The following CEP112 variants were observed in gnomAD, a reference collection of about 807,000 sequenced individuals.
CEP112 encodes centrosomal protein 112.
A neutral mutation model predicts 153.0 loss-of-function variants in CEP112; 127 were observed. The observed-to-expected ratio is 0.83, with a 90% CI of 0.72 to 0.96. CEP112 has a LOEUF of 0.96. Ranked by LOEUF, CEP112 falls within the 40% of genes least tolerant of loss-of-function variation. The probability of loss-of-function intolerance (pLI) is 0.00; values close to 1 mark genes in which losing one functional copy is unlikely to be tolerated. For missense variants in CEP112, 1,089 were observed against 1,101.2 expected (o/e 0.99, Z 0.16); for synonymous variants, 358 against 374.4 (o/e 0.96, Z 0.51).
At chr17:65,905,313 A>G (rs1377961480) in intron 19 of CEP112, among the ~76,000 whole-genome samples, 1 of 152,246 alleles carries the variant, frequency 6.6e-6, no homozygotes, top group Non-Finnish European at 1.5e-5. Flanking sequence ...CACTTCTCAA[A>G]AAAAGCCATT....
intron 24 of CEP112, among the ~76,000 whole-genome samples, chr17:65,676,093 T>C (rs1293539899): frequency 6.6e-6 from 1 of 152,176 alleles, no homozygotes; most frequent in Non-Finnish European, 1.5e-5. Flanking sequence ...CTGCACACTC[T>C]GGGAAGCCAG....
chr17:65,816,866 T>C (rs892542322), intron 21 of CEP112, among the ~76,000 whole-genome samples: 2 of 151,996 alleles, frequency 1.3e-5, no homozygotes, highest in Admixed American at 1.3e-4. Flanking sequence ...ATGGCATTAT[T>C]TCTTTCTTAA....
At chr17:65,691,543 C>T (rs924149297) in intron 23 of CEP112, among the ~76,000 whole-genome samples, 1 of 152,154 alleles carries the variant, frequency 6.6e-6, no homozygotes, top group Non-Finnish European at 1.5e-5. Flanking sequence ...TTTAGGGTGT[C>T]TTTGATATTA....
rs558410412 is a variant in CEP112 at position 65,760,161 on chromosome 17, G to A, written c.2395-9437C>T. Among the ~76,000 whole-genome samples the A allele has an allele frequency of 1.2e-4, 19 of 152,170 alleles. No individual in the cohort carries two copies. In the South Asian group the frequency reaches 3.1e-3, roughly 25 times the overall value. ...CACTTATCAGTTCCAAGAGTTTGTC[G>A]ATTCTTTTGGATTCTCTATATAGAC... On this transcript the variant is annotated intron_variant, in intron 21 of 26. Transcript: ENST00000535342.
At chr17:66,028,083 T>C (rs1355502408) in intron 15 of CEP112, among the ~76,000 whole-genome samples, 1 of 151,660 alleles carries the variant, frequency 6.6e-6, no homozygotes, top group Non-Finnish European at 1.5e-5. Flanking sequence ...TTAAAACTAA[T>C]CTCAAAAGAG....
At chr17:65,709,681 T>C (rs1164262252) in intron 23 of CEP112, among the ~76,000 whole-genome samples, 1 of 152,228 alleles carries the variant, frequency 6.6e-6, no homozygotes, top group Non-Finnish European at 1.5e-5. Context: ...AAAACCATCA[T>C]CTGGTTCCAG....
chr17:65,913,927 T>C, intron 19 of CEP112: 2 of 953,794 alleles, frequency 2.1e-6, no homozygotes, highest in African/African-American at 1.8e-5. Flanking sequence ...ACAATTATCC[T>C]GAGTTTTTAA....
At chr17:65,695,203 C>T (rs565827013) in intron 23 of CEP112, among the ~76,000 whole-genome samples, 3 of 152,298 alleles carry the variant, frequency 2.0e-5, no homozygotes, top group East Asian at 1.9e-4. Context: ...GAGCGCACAC[C>T]GCACTCTTTA....
chr17:65,942,861 T>C (rs1001877488), intron 18 of CEP112, among the ~76,000 whole-genome samples: 2 of 152,242 alleles, frequency 1.3e-5, no homozygotes, highest in Non-Finnish European at 2.9e-5. Context: ...TAAAGTACTA[T>C]TGTGTTATTA....
At position 65,897,738 on chromosome 17, in the gene CEP112, C is replaced by T. The variant is rs151057390; in HGVS notation, c.2163+4414G>A. ...AATAAATTAAAATGAAATTTTAGCA[C>T]ATTAAAATAAAATCTAGTAATTACA... is the stretch of plus-strand genomic sequence containing the variant. On this transcript the variant is annotated intron_variant, in intron 20 of 26. Transcript: ENST00000535342. 8.3e-3 allele frequency among the ~76,000 whole-genome samples: 1,269 copies of T among 151,986 alleles called. 15 individuals carry two copies. Among genetic ancestry groups the T allele is most frequent in the Non-Finnish European group, 0.014 (969 of 67,944 alleles).
chr17:66,105,013 G>A (rs1024630139), intron 6 of CEP112, among the ~76,000 whole-genome samples: 1 of 152,160 alleles, frequency 6.6e-6, no homozygotes, highest in Non-Finnish European at 1.5e-5. Flanking sequence ...CACTGTAATT[G>A]TGGTGTATAA....
At chr17:65,869,579 CTTTTTTTT>C (rs55675305) in intron 20 of CEP112, among the ~76,000 whole-genome samples, 1 of 120,248 alleles carries the variant, frequency 8.3e-6, no homozygotes, top group Non-Finnish European at 1.7e-5. Context: ...GATAAACTTT[CTTTTTTTT>C]TTTTTTTTTT....
At position 66,116,913 on chromosome 17, in the gene CEP112, C is replaced by A. The variant is rs192932997; in HGVS notation, c.642+12833G>T. Among the ~76,000 whole-genome samples, 327 of 136,076 alleles carry A rather than the reference C, an allele frequency of 2.4e-3. 3 individuals are homozygous for A. Among genetic ancestry groups the A allele is most frequent in the African/African-American group, 8.7e-3 (318 of 36,644 alleles). The allele number at this position is 136,076 out of a possible 152,430, so 89.3% of individuals were successfully genotyped here. On this transcript the variant is annotated intron_variant, in intron 6 of 26. Transcript: ENST00000535342. ...GACGGAGTCTCGCTCTGTTGCCAGG[C>A]TGGGAAACAGTGGTGCGATCTCGGC...
intron 21 of CEP112, among the ~76,000 whole-genome samples, chr17:65,850,015 G>T (rs540247691): frequency 2.7e-4 from 41 of 151,784 alleles, no homozygotes; most frequent in Non-Finnish European, 4.9e-4. Context: ...TTAGCCAGAC[G>T]TGCTGGCGGG....
At chr17:65,974,827 T>C (rs2062972014) in intron 17 of CEP112, among the ~76,000 whole-genome samples, 1 of 152,120 alleles carries the variant, frequency 6.6e-6, no homozygotes, top group African/African-American at 2.4e-5. Context: ...AGTAAGATCA[T>C]ATATCCACAG....
intron 19 of CEP112, among the ~76,000 whole-genome samples, chr17:65,910,144 G>C (rs1312981676): frequency 6.6e-6 from 1 of 152,142 alleles, no homozygotes; most frequent in Non-Finnish European, 1.5e-5. Context: ...TTAAAAGACA[G>C]AGCCAGTATC....
intron 17 of CEP112, among the ~76,000 whole-genome samples, chr17:65,998,382 CAAAA>C (rs34117654): frequency 5.7e-5 from 4 of 70,016 alleles, no homozygotes; most frequent in Admixed American, 4.4e-4. Context: ...GGCCTCGTCT[CAAAA>C]AAAAAAAAAA....
chr17:65,936,526 A>G (rs1001557684), intron 18 of CEP112, among the ~76,000 whole-genome samples: 1 of 152,198 alleles, frequency 6.6e-6, no homozygotes, highest in African/African-American at 2.4e-5. Flanking sequence ...TCAATAAAAT[A>G]CTAGCAATAA....
At chr17:66,128,425 T>C (rs1304420402) in intron 6 of CEP112, among the ~76,000 whole-genome samples, 1 of 151,878 alleles carries the variant, frequency 6.6e-6, no homozygotes, top group Non-Finnish European at 1.5e-5. Context: ...TCCCACCAAG[T>C]CAATTTCCCT....
Sources: allele counts gnomAD v4.1 joint callset (sites outside exome capture counted in the v4.1 genomes callset), GRCh38; gene constraint gnomAD v4.1.1; transcripts MANE v1.5; gene names NCBI Gene and HGNC (gene_info 2026-07-23, HGNC 2026-07-21).